SDK1: variants seen among roughly 807,000 people sequenced by gnomAD.
The protein encoded by SDK1 is sidekick cell adhesion molecule 1, also known as protein sidekick-1.
In SDK1, 157 loss-of-function variants were observed where a neutral mutation model predicts 245.5. The ratio of observed to expected loss-of-function variants is 0.64; its 90% CI spans 0.56 to 0.73. The LOEUF is 0.73. SDK1 is among the 30% of genes least tolerant of loss of function. SDK1 has a pLI of 0.00. For synonymous variants in SDK1, 1,647 were observed against 1,278.5 expected, an observed-to-expected ratio of 1.29 and a Z score of -6.15; for missense variants, 3,583 against 3,002.3, an observed-to-expected ratio of 1.19 and a Z score of -4.52.
intron 2 of SDK1, among the ~76,000 whole-genome samples, chr7:3,626,770 A>G (rs777517583): frequency 6.6e-6 from 1 of 152,176 alleles, no homozygotes; most frequent in Non-Finnish European, 1.5e-5. Flanking sequence ...AGTGAGTAGG[A>G]TGAATTAGAG....
chr7:4,226,443 AGCGT>A (rs1182998159), intron 40 of SDK1, among the ~76,000 whole-genome samples: 1 of 152,218 alleles, frequency 6.6e-6, no homozygotes, highest in Non-Finnish European at 1.5e-5. Flanking sequence ...ATGGTAGTGG[AGCGT>A]GCTGCCCTCC....
intron 4 of SDK1, among the ~76,000 whole-genome samples, chr7:3,653,038 A>T (rs184680847): frequency 6.6e-6 from 1 of 152,198 alleles, no homozygotes; most frequent in African/African-American, 2.4e-5. Flanking sequence ...TTCAGTGCCA[A>T]ACAGTGGACT....
At position 4,054,017 on chromosome 7, in the gene SDK1, C is replaced by A. The variant is rs544991275; in HGVS notation, c.2911+2187C>A. 2.0e-5 allele frequency among the ~76,000 whole-genome samples: 3 copies of A among 152,208 alleles called. 1 individual carries two copies. Among genetic ancestry groups the A allele is most frequent in the African/African-American group, 4.8e-5 (2 of 41,520 alleles). ...GCAGTGGTGCAATCTTGGCTCACTG[C>A]AACCTCTGCCTCCAGGGTTCAAGCA... is the stretch of plus-strand genomic sequence containing the variant. On this transcript the variant is annotated intron_variant, in intron 19 of 44. Transcript: ENST00000404826.
At chr7:3,333,147 G>C (rs1780112274) in intron 1 of SDK1, among the ~76,000 whole-genome samples, 1 of 152,292 alleles carries the variant, frequency 6.6e-6, no homozygotes, top group Non-Finnish European at 1.5e-5. Context: ...TGGGAACTAG[G>C]CTGCTTCCTG....
chr7:3,753,744 G>C lies in SDK1; in HGVS notation c.714-67706G>C, dbSNP rs114155986. On this transcript the variant is annotated intron_variant, in intron 4 of 44. Coordinates refer to ENST00000404826, the MANE Select transcript of SDK1 (RefSeq NM_152744.4). ...CATGAAGTGACAGGCCTTGGTTGGT[G>C]AAGTGGCTTTTGTAGACTGAATATG... is the stretch of plus-strand genomic sequence containing the variant. Among the ~76,000 whole-genome samples the C allele has an allele frequency of 2.5e-3, 383 of 152,296 alleles. 4 individuals carry two copies. Among genetic ancestry groups the C allele is most frequent in the African/African-American group, 8.9e-3 (369 of 41,560 alleles).
At chr7:3,824,376 C>G (rs961830310) in intron 5 of SDK1, among the ~76,000 whole-genome samples, 2 of 152,164 alleles carry the variant, frequency 1.3e-5, no homozygotes, top group Non-Finnish European at 2.9e-5. Context: ...AATGAAGATA[C>G]ATTTTTGCTT....
At chr7:3,496,217 C>A (rs190543217) in intron 1 of SDK1, among the ~76,000 whole-genome samples, 1 of 152,006 alleles carries the variant, frequency 6.6e-6, no homozygotes, top group African/African-American at 2.4e-5. Flanking sequence ...CTCGTGGGAT[C>A]GCTGGAGGGT....
chr7:3,544,353 C>G (rs1222617704), intron 1 of SDK1, among the ~76,000 whole-genome samples: 1 of 152,204 alleles, frequency 6.6e-6, no homozygotes, highest in Non-Finnish European at 1.5e-5. Flanking sequence ...CAGCTTGGAT[C>G]AAGCAGCCAC....
chr7:3,973,332 C>G (rs569397501), intron 12 of SDK1, among the ~76,000 whole-genome samples: 61 of 152,284 alleles, frequency 4.0e-4, no homozygotes, highest in African/African-American at 1.4e-3. Context: ...GAACTGGGCA[C>G]ATTTGCAAAA....
intron 22 of SDK1, among the ~76,000 whole-genome samples, chr7:4,100,006 C>T (rs537797699): frequency 2.8e-4 from 42 of 152,146 alleles, no homozygotes; most frequent in African/African-American, 9.9e-4. Context: ...CAGTGTCTCT[C>T]GAACGTAGGC....
intron 5 of SDK1, among the ~76,000 whole-genome samples, chr7:3,909,734 G>A (rs998554983): frequency 6.6e-6 from 1 of 152,186 alleles, no homozygotes; most frequent in African/African-American, 2.4e-5. Flanking sequence ...GAAGCTCAGG[G>A]ATTAAAGAAC....
At chr7:3,336,792 A>G (rs564406144) in intron 1 of SDK1, among the ~76,000 whole-genome samples, 2 of 152,322 alleles carry the variant, frequency 1.3e-5, no homozygotes, top group African/African-American at 2.4e-5. Flanking sequence ...TGGCTGGGAA[A>G]GTGTCAGTGA....
At chr7:3,553,130 A>C (rs933027398) in intron 1 of SDK1, among the ~76,000 whole-genome samples, 1 of 152,142 alleles carries the variant, frequency 6.6e-6, no homozygotes, top group Admixed American at 6.5e-5. Flanking sequence ...TATTTTTCAT[A>C]AAACTTAATT....
intron 4 of SDK1, among the ~76,000 whole-genome samples, chr7:3,769,357 G>A (rs370058730): frequency 6.6e-5 from 10 of 152,244 alleles, no homozygotes; most frequent in African/African-American, 2.2e-4. Context: ...GTACAGGGCA[G>A]TATATAGTGA....
intron 4 of SDK1, among the ~76,000 whole-genome samples, chr7:3,690,400 CTTATTG>C (rs1370981712): frequency 1.3e-5 from 2 of 152,014 alleles, no homozygotes; most frequent in Non-Finnish European, 2.9e-5. Flanking sequence ...TTACTTGAGA[CTTATTG>C]TTAATGTTCA....
intron 44 of SDK1, among the ~76,000 whole-genome samples, chr7:4,262,369 A>T (rs1039936720): frequency 2.0e-5 from 3 of 151,898 alleles, no homozygotes; most frequent in Non-Finnish European, 4.4e-5. Context: ...TCAAACCGAA[A>T]GACCATAAAA....
At chr7:3,796,017 T>C (rs751134554) in intron 4 of SDK1, among the ~76,000 whole-genome samples, 1 of 152,204 alleles carries the variant, frequency 6.6e-6, no homozygotes, top group Non-Finnish European at 1.5e-5. Flanking sequence ...GTAGACTGTT[T>C]TTTGAGCTCA....
At chr7:3,500,748 C>G (rs965572699) in intron 1 of SDK1, among the ~76,000 whole-genome samples, 11 of 151,902 alleles carry the variant, frequency 7.2e-5, no homozygotes, top group Middle Eastern at 3.4e-3. Flanking sequence ...TAATTTTTTC[C>G]TCTCCTTTCT....
intron 5 of SDK1, among the ~76,000 whole-genome samples, chr7:3,932,788 C>A (rs1004646560): frequency 2.5e-4 from 38 of 152,162 alleles, no homozygotes; most frequent in African/African-American, 8.5e-4. Flanking sequence ...AATGACCCAC[C>A]CATTCCCAGA....
Sources: allele counts gnomAD v4.1 joint callset (sites outside exome capture counted in the v4.1 genomes callset), GRCh38; gene constraint gnomAD v4.1.1; transcripts MANE v1.5; gene names NCBI Gene and HGNC (gene_info 2026-07-23, HGNC 2026-07-21).